The following FBXO36 variants were observed in gnomAD, a reference collection of about 807,000 sequenced individuals.
FBXO36 encodes F-box only protein 36.
Under a neutral mutation model 17.0 loss-of-function variants are expected in FBXO36, and 18 were observed. The observed-to-expected ratio is 1.06, with a 90% CI of 0.73 to 1.57. The LOEUF is 1.57. Ranked by LOEUF, FBXO36 falls within the 40% of genes most tolerant of loss-of-function variation. The pLI, the probability that FBXO36 is intolerant of heterozygous loss-of-function variation, is 0.00. For synonymous variants in FBXO36, 83 were observed against 85.3 expected, an observed-to-expected ratio of 0.97 and a Z score of 0.15; for missense variants, 229 against 221.9, an observed-to-expected ratio of 1.03 and a Z score of -0.20.
intron 1 of FBXO36, among the ~76,000 whole-genome samples, chr2:229,936,520 G>T (rs920247240): frequency 1.3e-5 from 2 of 152,110 alleles, no homozygotes; most frequent in African/African-American, 4.8e-5. Flanking sequence ...TATAAGTTCA[G>T]ATTAATAATA....
chr2:230,012,622 C>G lies in FBXO36; in HGVS notation c.*1738C>G, dbSNP rs1207015690. On this transcript the variant is annotated 3_prime_UTR_variant, in exon 4 of 4. Coordinates refer to ENST00000283946, the MANE Select transcript of FBXO36 (RefSeq NM_174899.5). ...GCAGGCAGCTGAGAGCAAGAAGGCA[C>G]GTGCTCTGCAGAGCTCTAGCTGCCT... 1 of 151,932 alleles carries G rather than the reference C, an allele frequency of 6.6e-6. No individual in the cohort carries two copies. The highest frequency in any genetic ancestry group is 1.5e-5 in the Non-Finnish European group (1 of 67,950). The allele number at this position is 151,932 out of a possible 1,614,324, so 9.4% of individuals were successfully genotyped here.
intron 3 of FBXO36, among the ~76,000 whole-genome samples, chr2:230,008,594 G>T (rs940528769): frequency 6.6e-6 from 1 of 151,988 alleles, no homozygotes; most frequent in African/African-American, 2.4e-5. Flanking sequence ...GCTCTTTTGA[G>T]AATTATTTCC....
chr2:229,942,034 T>G (rs567990422), intron 1 of FBXO36, among the ~76,000 whole-genome samples: 1 of 151,980 alleles, frequency 6.6e-6, no homozygotes, highest in East Asian at 1.9e-4. Context: ...AAAAAAAAAT[T>G]TAGATGGGCT....
chr2:229,968,103 A>G (rs1177542518), intron 1 of FBXO36, among the ~76,000 whole-genome samples: 3 of 152,056 alleles, frequency 2.0e-5, no homozygotes, highest in African/African-American at 7.2e-5. Context: ...TCAAATGGCC[A>G]CCCACTGGTT....
At chr2:229,923,847 G>GTTTTTTTT (rs71045800) in intron 1 of FBXO36, among the ~76,000 whole-genome samples, 12 of 77,710 alleles carry the variant, frequency 1.5e-4, no homozygotes, top group South Asian at 5.7e-4. Flanking sequence ...TTTTGGTGTT[G>GTTTTTTTT]TTTTTTTTTT....
intron 1 of FBXO36, among the ~76,000 whole-genome samples, chr2:229,964,799 G>A (rs775603194): frequency 2.0e-5 from 3 of 152,158 alleles, no homozygotes; most frequent in East Asian, 1.9e-4. Flanking sequence ...GATTACAGGC[G>A]TGAGCCACCG....
chr2:229,962,386 A>C (rs924390726), intron 1 of FBXO36, among the ~76,000 whole-genome samples: 10 of 151,776 alleles, frequency 6.6e-5, no homozygotes, highest in Admixed American at 6.6e-5. Context: ...GCTGGAGTGC[A>C]GTGGTGTATT....
At chr2:229,993,945 T>C (rs1226097644) in intron 2 of FBXO36, among the ~76,000 whole-genome samples, 2 of 151,866 alleles carry the variant, frequency 1.3e-5, no homozygotes, top group Non-Finnish European at 2.9e-5. Flanking sequence ...CTTTTTGTTT[T>C]GTATTTTTAG....
chr2:229,947,936 A>G (rs1419738052), intron 1 of FBXO36, among the ~76,000 whole-genome samples: 1 of 152,202 alleles, frequency 6.6e-6, no homozygotes, highest in Non-Finnish European at 1.5e-5. Flanking sequence ...TTGACTCTGC[A>G]GCACTGAAAA....
chr2:229,960,581 C>T (rs139146971), intron 1 of FBXO36, among the ~76,000 whole-genome samples: 73 of 152,236 alleles, frequency 4.8e-4, no homozygotes, highest in African/African-American at 1.7e-3. Context: ...GCCTCGAACA[C>T]CTGAGCTCAA....
intron 1 of FBXO36, among the ~76,000 whole-genome samples, chr2:229,972,642 A>C (rs1408618116): frequency 1.3e-5 from 2 of 151,646 alleles, no homozygotes; most frequent in Non-Finnish European, 2.9e-5. Context: ...CATCCCACCG[A>C]CATTCAGTGG....
chr2:229,967,019 T>C (rs2077156990), intron 1 of FBXO36, among the ~76,000 whole-genome samples: 2 of 152,218 alleles, frequency 1.3e-5, no homozygotes, highest in African/African-American at 4.8e-5. Flanking sequence ...GCATGGAATG[T>C]TCTTCCATTT....
intron 1 of FBXO36, among the ~76,000 whole-genome samples, chr2:229,966,548 T>G (rs1463774550): frequency 3.7e-4 from 56 of 152,250 alleles, no homozygotes; most frequent in African/African-American, 1.0e-3. Context: ...ATCTTGAATT[T>G]ATTTTTGTAT....
At chr2:229,990,047 G>T (rs951296568) in intron 2 of FBXO36, among the ~76,000 whole-genome samples, 5 of 151,782 alleles carry the variant, frequency 3.3e-5, no homozygotes, top group Non-Finnish European at 7.4e-5. Context: ...TCCTAGTTCT[G>T]CCGCTTTCTC....
intron 1 of FBXO36, among the ~76,000 whole-genome samples, chr2:229,965,083 T>C (rs989121655): frequency 5.9e-5 from 9 of 152,068 alleles, no homozygotes; most frequent in African/African-American, 1.7e-4. Context: ...AATTCACCAT[T>C]TTTTTCCATC....
At position 230,011,064 on chromosome 2, in the gene FBXO36, G is replaced by T. The variant is rs1166666254; in HGVS notation, c.*180G>T. 3.2e-6 allele frequency: 2 copies of T among 634,118 alleles called. No individual in the cohort carries two copies. Among genetic ancestry groups the T allele is most frequent in the Admixed American group, 3.1e-5 (1 of 32,462 alleles). The allele number at this position is 634,118 out of a possible 1,614,324, so 39.3% of individuals were successfully genotyped here. ...AGTCTGGCTCCCCAGTGCCTTGCTA[G>T]AGTCACCGTCATTCTGAGGTCAAAT... On this transcript the variant is annotated 3_prime_UTR_variant, in exon 4 of 4. Transcript: ENST00000283946.
chr2:229,929,222 C>T (rs2076926941), intron 1 of FBXO36, among the ~76,000 whole-genome samples: 1 of 152,094 alleles, frequency 6.6e-6, no homozygotes, highest in South Asian at 2.1e-4. Context: ...GCGTGAGCCA[C>T]TGCACCCGGC....
intron 2 of FBXO36, among the ~76,000 whole-genome samples, chr2:229,989,437 A>G (rs1232322303): frequency 2.0e-5 from 3 of 149,478 alleles, no homozygotes; most frequent in South Asian, 4.2e-4. Flanking sequence ...TTGTATTTTT[A>G]GTAGAGACAG....
intron 3 of FBXO36, among the ~76,000 whole-genome samples, chr2:230,000,355 C>CAAAAA (rs3086348): frequency 1.2e-4 from 9 of 77,450 alleles, no homozygotes; most frequent in Non-Finnish European, 1.5e-4. Context: ...GAGACTGTCT[C>CAAAAA]AAAAAAAAAA....
Sources: gnomAD v4.1 joint callset for allele counts (sites outside exome capture counted in the v4.1 genomes callset) on GRCh38, gnomAD v4.1.1 for gene constraint, MANE v1.5 for transcripts, NCBI Gene and HGNC (gene_info 2026-07-23, HGNC 2026-07-21) for gene names.